RP1: variants seen among roughly 807,000 people sequenced by gnomAD.
The protein encoded by RP1 is RP1 axonemal microtubule associated.
Under a neutral mutation model 14.8 loss-of-function variants are expected in RP1, and 16 were observed. That is an observed-to-expected ratio of 1.08 (90% CI 0.73 to 1.65). The LOEUF (loss-of-function observed/expected upper bound fraction) is 1.65, where lower values mean the gene tolerates loss of function less well. Among genes scored for constraint, RP1 ranks in the 40% most tolerant of loss-of-function variants. RP1 has a pLI of 0.00. For synonymous variants in RP1, 876 were observed against 883.6 expected, an observed-to-expected ratio of 0.99 and a Z score of 0.15; for missense variants, 2,631 against 2,535.0, an observed-to-expected ratio of 1.04 and a Z score of -0.81.
chr8:54,673,534 G>T (rs1807225553), intron 7 of RP1, among the ~76,000 whole-genome samples: 1 of 152,094 alleles, frequency 6.6e-6, no homozygotes, highest in African/African-American at 2.4e-5. Context: ...GAACCCAGGA[G>T]TTTGAGACCA....
intron 26 of RP1, among the ~76,000 whole-genome samples, chr8:54,856,284 T>C (rs1269903921): frequency 6.6e-6 from 1 of 151,884 alleles, no homozygotes; most frequent in Admixed American, 6.6e-5. Flanking sequence ...GTGGATATCG[T>C]TTGGGGAGAC....
In RP1 at chr8:54,812,008, C is replaced by G. The variant is rs555616372; in HGVS notation, c.3616-25442C>G. 3.3e-5 allele frequency among the ~76,000 whole-genome samples: 5 copies of G among 152,304 alleles called. No individual in the cohort carries two copies. In the South Asian group the frequency reaches 1.0e-3, roughly 32 times the overall value. On this transcript the variant is annotated intron_variant, in intron 24 of 28. Transcript: ENST00000637698. ...ATATTTGTCAACTCAGTTTCAAGAACAGTTTGTATCTTCTTCTCTAAAACT... is the reference window on the plus strand; with the variant it reads ...ATATTTGTCAACTCAGTTTCAAGAAGAGTTTGTATCTTCTTCTCTAAAACT...
At chr8:54,789,887 C>A (rs1208576809) in intron 24 of RP1, among the ~76,000 whole-genome samples, 1 of 152,128 alleles carries the variant, frequency 6.6e-6, no homozygotes, top group Non-Finnish European at 1.5e-5. Flanking sequence ...TTGACCCTAC[C>A]CAATTGCAGA....
intron 6 of RP1, among the ~76,000 whole-genome samples, chr8:54,661,652 G>A (rs900356711): frequency 6.6e-6 from 1 of 152,102 alleles, no homozygotes; most frequent in African/African-American, 2.4e-5. Flanking sequence ...GATGGAGCTG[G>A]TGTGGGAGGG....
chr8:54,624,642 G>GC, intron 3 of RP1, 28 bp from the exon 4 acceptor site: 1 of 1,610,838 alleles, frequency 6.2e-7, no homozygotes, highest in South Asian at 1.1e-5. Flanking sequence ...TTTGATGTGG[G>GC]CACCTTTTAC....
chr8:54,806,181 G>A (rs1194736076), intron 24 of RP1, among the ~76,000 whole-genome samples: 2 of 152,034 alleles, frequency 1.3e-5, no homozygotes, highest in African/African-American at 4.8e-5. Context: ...ACCATGCCCA[G>A]CTAATTTTTG....
At chr8:54,802,955 G>C (rs566681849) in intron 24 of RP1, among the ~76,000 whole-genome samples, 101 of 152,186 alleles carry the variant, frequency 6.6e-4, no homozygotes, top group African/African-American at 2.3e-3. Flanking sequence ...AAGCAAGGTA[G>C]CTTACTAAGC....
At chr8:54,563,903 C>T (rs943886111) in intron 1 of RP1, among the ~76,000 whole-genome samples, 5 of 152,152 alleles carry the variant, frequency 3.3e-5, no homozygotes, top group African/African-American at 7.2e-5. Context: ...AATCTCAATA[C>T]ATTTGTCTAG....
exon 15 of RP1, chr8:54,706,646 C>T (rs190177096): frequency 1.7e-5 from 26 of 1,535,866 alleles, no homozygotes; most frequent in African/African-American, 5.5e-5. Flanking sequence ...ATGGCCGATG[C>T]GATGGAACAG....
chr8:54,815,273 T>C (rs998819458), intron 24 of RP1, among the ~76,000 whole-genome samples: 1 of 152,204 alleles, frequency 6.6e-6, no homozygotes, highest in Non-Finnish European at 1.5e-5. Flanking sequence ...ACCCCTCAAA[T>C]TGTATATATC....
intron 1 of RP1, among the ~76,000 whole-genome samples, chr8:54,583,901 A>G (rs1017113507): frequency 1.3e-5 from 2 of 151,760 alleles, no homozygotes; most frequent in African/African-American, 4.8e-5. Context: ...TTTCTTCTTT[A>G]CTAGTCTTGC....
upstream of RP1, among the ~76,000 whole-genome samples, chr8:54,614,845 C>T (rs1266096385): frequency 6.6e-6 from 1 of 152,154 alleles, no homozygotes; most frequent in African/African-American, 2.4e-5. Context: ...GCCTCACTGG[C>T]AGAAATACTT....
chr8:54,869,543 C>T (rs116273499), intron 28 of RP1, among the ~76,000 whole-genome samples: 4 of 152,190 alleles, frequency 2.6e-5, no homozygotes, highest in African/African-American at 9.7e-5. Context: ...ACTAAGGAAA[C>T]TCCAAGTGAG....
At chr8:54,707,581 T>G (rs1298509590) in intron 15 of RP1, among the ~76,000 whole-genome samples, 1 of 152,238 alleles carries the variant, frequency 6.6e-6, no homozygotes, top group Non-Finnish European at 1.5e-5. Flanking sequence ...TTGTTTAAAA[T>G]AGTTTAGTTT....
intron 22 of RP1, among the ~76,000 whole-genome samples, chr8:54,766,367 T>A (rs1809761077): frequency 6.6e-6 from 1 of 152,208 alleles, no homozygotes; most frequent in South Asian, 2.1e-4. Context: ...ACTGATTTTT[T>A]TTTTCCTGAA....
downstream of RP1, among the ~76,000 whole-genome samples, chr8:54,632,487 A>G (rs530149836): frequency 6.6e-6 from 1 of 152,336 alleles, no homozygotes; most frequent in South Asian, 2.1e-4. Context: ...CTTGGGCCAC[A>G]TCTTATTCAC....
intron 19 of RP1, among the ~76,000 whole-genome samples, chr8:54,746,710 A>G (rs534023732): frequency 2.6e-5 from 4 of 152,302 alleles, no homozygotes; most frequent in African/African-American, 9.6e-5. Flanking sequence ...AATTGAGGTA[A>G]TAAACTTTAG....
At chr8:54,598,683 C>T (rs944450755) in intron 1 of RP1, among the ~76,000 whole-genome samples, 4 of 152,146 alleles carry the variant, frequency 2.6e-5, no homozygotes, top group Non-Finnish European at 2.9e-5. Context: ...AGTTTTCCTT[C>T]ATCTGAGCAT....
At position 54,627,603 on chromosome 8, in the gene RP1, G is replaced by A; in HGVS notation, c.3721G>A (p.Ala1241Thr). 1 of 1,614,188 alleles carries A rather than the reference G, an allele frequency of 6.2e-7. No individual in the cohort carries two copies. The highest frequency in any genetic ancestry group is 8.5e-7 in the Non-Finnish European group (1 of 1,179,992). The change falls in exon 4 of 4, where the codon GCC becomes ACC. Residue 1241 changes from alanine to threonine, a missense_variant. By Grantham distance (58) the Ala-to-Thr change is moderately conservative. Transcript: ENST00000220676. ...GISSLDGGCSASEACAPEVCV... is the reference protein window; with the variant it reads ...GISSLDGGCSTSEACAPEVCV... ...CTCCTCTTTGGATGGAGGTTGCTCT[G>A]CCAGTGAGGCATGTGCCCCTGAAGT... is the stretch of plus-strand genomic sequence containing the variant.
Sources: allele counts gnomAD v4.1 joint callset (sites outside exome capture counted in the v4.1 genomes callset), GRCh38; gene constraint gnomAD v4.1.1; transcripts MANE v1.5; gene names NCBI Gene and HGNC (gene_info 2026-07-23, HGNC 2026-07-21).